Variants in PTPN14 observed in about 807,000 individuals in gnomAD.
PTPN14 encodes the protein tyrosine-protein phosphatase non-receptor type 14.
Under a neutral mutation model 126.8 loss-of-function variants are expected in PTPN14, and 53 were observed. The ratio of observed to expected loss-of-function variants is 0.42; its 90% CI spans 0.34 to 0.53. The LOEUF is 0.53. Among genes scored for constraint, PTPN14 ranks in the 20% least tolerant of loss-of-function variants. PTPN14 has a pLI of 0.08. For synonymous variants in PTPN14, 630 were observed against 599.3 expected (o/e 1.05, Z -0.75); for missense variants, 1,257 against 1,552.9 (o/e 0.81, Z 3.20).
chr1:214,419,270 C>T (rs375755443), intron 3 of PTPN14, among the ~76,000 whole-genome samples: 12 of 152,194 alleles, frequency 7.9e-5, no homozygotes, highest in African/African-American at 2.7e-4. Flanking sequence ...CCTGCAGAAT[C>T]ATTATCATCA....
At chr1:214,495,667 A>ATTTT (rs572851254) in intron 1 of PTPN14, among the ~76,000 whole-genome samples, 1 of 3,402 alleles carries the variant, frequency 2.9e-4, no homozygotes, top group African/African-American at 4.9e-4. Context: ...TATTTTTTTT[A>ATTTT]TTTATTTATT....
chr1:214,385,441 A>G (rs923868271), intron 12 of PTPN14, among the ~76,000 whole-genome samples: 3 of 152,158 alleles, frequency 2.0e-5, no homozygotes, highest in Admixed American at 6.5e-5. Context: ...AAAATTAATT[A>G]TAGTTTAAAG....
rs373999044 is a variant in PTPN14 at position 214,354,886 on chromosome 1, T to A, written c.*3036A>T. The A allele has an allele frequency of 7.9e-5, 12 of 152,352 alleles. No homozygotes were observed. Among genetic ancestry groups the A allele is most frequent in the African/African-American group, 2.6e-4 (11 of 41,582 alleles). The allele number at this position is 152,352 out of a possible 1,614,324, so 9.4% of individuals were successfully genotyped here. Reference sequence around the variant, plus strand: ...AATCATTCCAAAAGCTCTAACTAGATAACTAATTTAATACACTTTGCTTCA... The same window carrying A: ...AATCATTCCAAAAGCTCTAACTAGAAAACTAATTTAATACACTTTGCTTCA... On this transcript the variant is annotated 3_prime_UTR_variant, in exon 19 of 19. Coordinates refer to ENST00000366956, the MANE Select transcript of PTPN14 (RefSeq NM_005401.5).
chr1:214,380,511 T>C (rs971365721), intron 13 of PTPN14, among the ~76,000 whole-genome samples: 1 of 152,162 alleles, frequency 6.6e-6, no homozygotes, highest in Non-Finnish European at 1.5e-5. Context: ...AGCAGGGAAG[T>C]ATCTTCAAGG....
intron 18 of PTPN14, among the ~76,000 whole-genome samples, chr1:214,361,407 T>A (rs1657953092): frequency 6.6e-6 from 1 of 152,186 alleles, no homozygotes; most frequent in Admixed American, 6.5e-5. Flanking sequence ...GACAGTATAT[T>A]GTCTGATATG....
Position 214,424,765 on chromosome 1 carries a change from T to C in PTPN14, c.345-10039A>G, listed in dbSNP as rs564988979. Among the ~76,000 whole-genome samples, 13 of 152,272 alleles carry C rather than the reference T, an allele frequency of 8.5e-5. No homozygotes were observed. The South Asian group carries it at 2.5e-3, about 29-fold the overall frequency. ...AGTTTTGCCATGTTGGCAAGGCTGG[T>C]CTTGAACTCCTGACCTCAGACGATC... On this transcript the variant is annotated intron_variant, in intron 3 of 18. Coordinates refer to ENST00000366956, the MANE Select transcript of PTPN14 (RefSeq NM_005401.5).
intron 15 of PTPN14, among the ~76,000 whole-genome samples, chr1:214,373,954 C>T (rs1367156367): frequency 6.6e-6 from 1 of 152,162 alleles, no homozygotes; most frequent in Non-Finnish European, 1.5e-5. Context: ...CCCTGCAGCT[C>T]AGGGTGATCA....
At chr1:214,475,437 T>C (rs2102668073) in intron 1 of PTPN14, among the ~76,000 whole-genome samples, 1 of 152,332 alleles carries the variant, frequency 6.6e-6, no homozygotes, top group South Asian at 2.1e-4. Context: ...TGGTCCAGCT[T>C]GCATAATCAA....
intron 1 of PTPN14, among the ~76,000 whole-genome samples, chr1:214,465,527 G>A (rs980454428): frequency 3.9e-5 from 6 of 152,156 alleles, no homozygotes; most frequent in Non-Finnish European, 5.9e-5. Context: ...AGGCTGAGAT[G>A]GGAGGATCTC....
intron 3 of PTPN14, among the ~76,000 whole-genome samples, chr1:214,444,094 C>T (rs1660093036): frequency 6.6e-6 from 1 of 152,090 alleles, no homozygotes; most frequent in African/African-American, 2.4e-5. Flanking sequence ...AAATAAAAAA[C>T]AATGCAAATG....
intron 2 of PTPN14, among the ~76,000 whole-genome samples, chr1:214,460,708 A>G (rs1438551475): frequency 6.6e-6 from 1 of 152,130 alleles, no homozygotes; most frequent in African/African-American, 2.4e-5. Flanking sequence ...ACCGCAGCAC[A>G]AGCAGTTCCC....
chr1:214,516,262 T>TATA (rs2102450749), intron 1 of PTPN14, among the ~76,000 whole-genome samples: 1 of 152,338 alleles, frequency 6.6e-6, no homozygotes, highest in Non-Finnish European at 1.5e-5. Context: ...GGGGTAGGAA[T>TATA]AATTTCTCTA....
Position 214,397,904 on chromosome 1 carries a change from T to C in PTPN14, c.758+9A>G. On this transcript the variant is annotated intron_variant, in intron 8 of 18. Coordinates refer to ENST00000366956, the MANE Select transcript of PTPN14 (RefSeq NM_005401.5). ...AAAAGAAAAAAGAAAAACAAACAAA[T>C]AAGACTACCTGTATATTACCGCTTG... 6.3e-7 allele frequency: 1 copy of C among 1,576,126 alleles called. No individual in the cohort carries two copies. The highest frequency in any genetic ancestry group is 8.7e-7 in the Non-Finnish European group (1 of 1,149,290).
In PTPN14 at chr1:214,383,397, C is replaced by T. The variant is rs1185410492; in HGVS notation, c.2458G>A (p.Val820Ile). The change falls in exon 13 of 19, where the codon GTC becomes ATC. Residue 820 changes from valine to isoleucine, a missense_variant. By Grantham distance (29) the Val-to-Ile change is conservative. Coordinates refer to ENST00000366956, the MANE Select transcript of PTPN14 (RefSeq NM_005401.5). The surrounding 1 kb of genome is among the most constrained non-coding windows in gnomAD (Gnocchi z 4.4). ...EPDLTSVKER[V>I]KKEPVKERPV... is the part of the protein sequence containing the mutation. Reference sequence around the variant, plus strand: ...CTCTCCTTCACAGGCTCTTTTTTGACCCGCTCCTTCACACTAGTCAGGTCG... The same window carrying T: ...CTCTCCTTCACAGGCTCTTTTTTGATCCGCTCCTTCACACTAGTCAGGTCG... 6.2e-7 allele frequency: 1 copy of T among 1,614,106 alleles called. No individual in the cohort carries two copies. Among genetic ancestry groups the T allele is most frequent in the Non-Finnish European group, 8.5e-7 (1 of 1,180,054 alleles).
At chr1:214,423,430 G>C (rs1483241476) in intron 3 of PTPN14, among the ~76,000 whole-genome samples, 1 of 152,114 alleles carries the variant, frequency 6.6e-6, no homozygotes, top group Non-Finnish European at 1.5e-5. Flanking sequence ...TGTATGGATG[G>C]GAGTGCCATC....
intron 5 of PTPN14, among the ~76,000 whole-genome samples, chr1:214,410,381 A>G (rs188997448): frequency 0.017 from 2,589 of 148,886 alleles, 83 homozygotes; most frequent in African/African-American, 0.06. Context: ...TGCAACCTCC[A>G]CCAGGGGTTC....
At chr1:214,515,858 C>T (rs762948732) in intron 1 of PTPN14, among the ~76,000 whole-genome samples, 10 of 152,062 alleles carry the variant, frequency 6.6e-5, no homozygotes, top group African/African-American at 1.9e-4. Context: ...ATTTTCCTTT[C>T]TACTTCCTTC....
intron 1 of PTPN14, among the ~76,000 whole-genome samples, chr1:214,506,277 G>A (rs1320063994): frequency 6.6e-6 from 1 of 152,118 alleles, no homozygotes; most frequent in Non-Finnish European, 1.5e-5. Flanking sequence ...GGCCACAGTG[G>A]GAGGATTGCT....
intron 1 of PTPN14, chr1:214,483,328 G>A (rs55835517): frequency 1.2e-6 from 2 of 1,613,070 alleles, no homozygotes; most frequent in South Asian, 1.1e-5. Flanking sequence ...TGTAGGGGCG[G>A]TAGAACTTGG....
Sources: gnomAD v4.1 joint callset for allele counts (sites outside exome capture counted in the v4.1 genomes callset) on GRCh38, gnomAD v4.1.1 for gene constraint, Gnocchi (gnomAD v3.1) non-coding constraint, MANE v1.5 for transcripts, NCBI Gene and HGNC (gene_info 2026-07-23, HGNC 2026-07-21) for gene names.